Variants in PLXDC2 observed in about 807,000 individuals in gnomAD.
The protein encoded by PLXDC2 is plexin domain-containing protein 2.
PLXDC2 carries 40 observed loss-of-function variants against 68.9 expected under a neutral mutation model. The ratio of observed to expected loss-of-function variants is 0.58; its 90% CI spans 0.45 to 0.76. PLXDC2 has a LOEUF of 0.76. Ranked by LOEUF, PLXDC2 falls within the 30% of genes least tolerant of loss-of-function variation. The probability of loss-of-function intolerance (pLI) is 0.00; values close to 1 mark genes in which losing one functional copy is unlikely to be tolerated. For missense variants in PLXDC2, 644 were observed against 661.9 expected (o/e 0.97, Z 0.30); for synonymous variants, 243 against 234.2 (o/e 1.04, Z -0.34).
At chr10:20,166,145 C>G (rs1386729941) in intron 7 of PLXDC2, among the ~76,000 whole-genome samples, 1 of 152,118 alleles carries the variant, frequency 6.6e-6, no homozygotes, top group East Asian at 1.9e-4. Context: ...ATTATGTCAA[C>G]TCTCAACTGT....
rs899331102 is a variant in PLXDC2, at chr10:20,172,914, A to G, written c.884-4085A>G. Among the ~76,000 whole-genome samples the G allele has an allele frequency of 6.6e-5, 10 of 152,328 alleles. No homozygotes were observed. The South Asian group carries it at 8.3e-4, about 13-fold the overall frequency. The stretch of plus-strand genomic sequence containing the variant: ...TTTATGTTTTATTGAATGCCTAATG[A>G]CATTATTATTTCAGAGAATTAGAAC... On this transcript the variant is annotated intron_variant, in intron 7 of 13. Coordinates refer to ENST00000377252, the MANE Select transcript of PLXDC2 (RefSeq NM_032812.9).
intron 13 of PLXDC2, among the ~76,000 whole-genome samples, chr10:20,260,668 T>C (rs1348231732): frequency 2.0e-5 from 3 of 152,208 alleles, no homozygotes; most frequent in African/African-American, 7.2e-5. Flanking sequence ...GGAATGAAAA[T>C]ACCTCTATGT....
intron 2 of PLXDC2, among the ~76,000 whole-genome samples, chr10:20,022,314 C>T (rs1986577): frequency 0.31 from 47,380 of 151,898 alleles, 7,514 homozygotes; most frequent in Non-Finnish European, 0.34. Flanking sequence ...ACAGTCTAGT[C>T]GGGTTAGATA....
intron 1 of PLXDC2, among the ~76,000 whole-genome samples, chr10:19,879,674 G>A (rs1322356441): frequency 6.6e-6 from 1 of 152,186 alleles, no homozygotes; most frequent in Non-Finnish European, 1.5e-5. Flanking sequence ...GTAAAAGTAT[G>A]TTTTAGAAGG....
At chr10:20,164,285 T>C (rs1402520443) in intron 6 of PLXDC2, among the ~76,000 whole-genome samples, 183 bp from the exon 7 acceptor site, 1 of 152,184 alleles carries the variant, frequency 6.6e-6, no homozygotes, top group East Asian at 1.9e-4. Context: ...ATTCATTCAA[T>C]AGCACTAAAC....
intron 2 of PLXDC2, among the ~76,000 whole-genome samples, chr10:20,032,349 T>C (rs184552846): frequency 4.6e-5 from 7 of 152,226 alleles, no homozygotes; most frequent in Non-Finnish European, 8.8e-5. Context: ...AAAATGAAGT[T>C]GGAGAGATGG....
At chr10:20,158,233 T>C (rs1834242476) in intron 6 of PLXDC2, among the ~76,000 whole-genome samples, 1 of 152,144 alleles carries the variant, frequency 6.6e-6, no homozygotes, top group African/African-American at 2.4e-5. Flanking sequence ...TTTGGTGCTT[T>C]AACATGTTTT....
chr10:19,979,111 A>G (rs1034589262), intron 1 of PLXDC2, among the ~76,000 whole-genome samples: 2 of 152,184 alleles, frequency 1.3e-5, no homozygotes, highest in African/African-American at 4.8e-5. Flanking sequence ...AATATATTTA[A>G]CTTGTTTTAA....
At chr10:19,821,601 T>G (rs780875437) in intron 1 of PLXDC2, among the ~76,000 whole-genome samples, 2 of 152,348 alleles carry the variant, frequency 1.3e-5, no homozygotes, top group East Asian at 3.9e-4. Context: ...CAATAAATGG[T>G]TGTTGGACTG....
intron 1 of PLXDC2, among the ~76,000 whole-genome samples, chr10:19,840,951 A>G (rs1836892265): frequency 6.6e-6 from 1 of 152,214 alleles, no homozygotes; most frequent in Non-Finnish European, 1.5e-5. Context: ...TAATAACAAC[A>G]TGATTACTGC....
intron 1 of PLXDC2, among the ~76,000 whole-genome samples, chr10:19,991,341 T>G (rs1834747609): frequency 8.1e-6 from 1 of 123,934 alleles, no homozygotes; most frequent in Admixed American, 8.5e-5. Flanking sequence ...TTTCTCATCA[T>G]TTTCCCTTTT....
At position 20,126,791 on chromosome 10, in the gene PLXDC2, A is replaced by AAC. The variant is rs1267673457; in HGVS notation, c.542-16499_542-16498dup. 4.3e-4 allele frequency among the ~76,000 whole-genome samples: 64 copies of AAC among 147,572 alleles called. 21 individuals are homozygous for AAC. The highest frequency in any genetic ancestry group is 1.4e-3 in the African/African-American group (58 of 40,474). ...ACACACATGTTATATATGTATATAG[A>AAC]ACACACGTTATATATGTATATATAA... On this transcript the variant is annotated intron_variant, in intron 4 of 13. Transcript: ENST00000377252.
intron 1 of PLXDC2, among the ~76,000 whole-genome samples, chr10:19,880,796 AT>A (rs1488732552): frequency 6.6e-6 from 1 of 152,142 alleles, no homozygotes; most frequent in African/African-American, 2.4e-5. Context: ...AGAATGTTTA[AT>A]TTCAATTTCT....
chr10:19,848,885 C>T (rs911446163), intron 1 of PLXDC2, among the ~76,000 whole-genome samples: 5 of 151,934 alleles, frequency 3.3e-5, no homozygotes, highest in East Asian at 1.9e-4. Flanking sequence ...TCAGAAAAGA[C>T]GATTTCACTT....
At chr10:19,858,346 T>A (rs957303328) in intron 1 of PLXDC2, among the ~76,000 whole-genome samples, 1 of 152,190 alleles carries the variant, frequency 6.6e-6, no homozygotes, top group Admixed American at 6.6e-5. Flanking sequence ...TACTCCTTTT[T>A]CAAACCGAAA....
At chr10:19,944,163 C>G (rs1833863862) in intron 1 of PLXDC2, among the ~76,000 whole-genome samples, 1 of 152,060 alleles carries the variant, frequency 6.6e-6, no homozygotes, top group Non-Finnish European at 1.5e-5. Flanking sequence ...TTCTTGCAGT[C>G]TGATGGTAGT....
intron 1 of PLXDC2, among the ~76,000 whole-genome samples, chr10:19,845,198 T>C (rs148928647): frequency 6.6e-6 from 1 of 152,280 alleles, no homozygotes; most frequent in African/African-American, 2.4e-5. Flanking sequence ...TCTGAAATTC[T>C]CACCACGTGT....
intron 10 of PLXDC2, 83 bp downstream of exon 10, chr10:20,211,812 A>G (rs1374863666): frequency 2.3e-6 from 3 of 1,330,706 alleles, no homozygotes; most frequent in Non-Finnish European, 3.1e-6. Flanking sequence ...TTTATTCAAA[A>G]TTTATGCCCT....
intron 4 of PLXDC2, among the ~76,000 whole-genome samples, chr10:20,069,948 G>A (rs1333188712): frequency 6.6e-6 from 1 of 152,204 alleles, no homozygotes; most frequent in Non-Finnish European, 1.5e-5. Context: ...TAAGACTATA[G>A]AAAAATTGTT....
Sources: allele counts gnomAD v4.1 joint callset (sites outside exome capture counted in the v4.1 genomes callset), GRCh38; gene constraint gnomAD v4.1.1; transcripts MANE v1.5; gene names NCBI Gene and HGNC (gene_info 2026-07-23, HGNC 2026-07-21).